The following VPS45 variants were observed in gnomAD, a reference collection of about 807,000 sequenced individuals.
The protein encoded by VPS45 is vacuolar protein sorting 45 homolog.
VPS45 carries 35 observed loss-of-function variants against 75.9 expected under a neutral mutation model. The ratio of observed to expected loss-of-function variants is 0.46; its 90% CI spans 0.35 to 0.61. VPS45 has a LOEUF of 0.61. VPS45 is among the 20% of genes least tolerant of loss of function. VPS45 has a pLI of 0.00. For synonymous variants in VPS45, 220 were observed against 238.2 expected (o/e 0.92, Z 0.70); for missense variants, 559 against 685.9 (o/e 0.81, Z 2.07).
At chr1:150,073,895 G>A (rs782092356) in intron 3 of VPS45, among the ~76,000 whole-genome samples, 62 of 151,704 alleles carry the variant, frequency 4.1e-4, no homozygotes, top group African/African-American at 6.3e-4. Flanking sequence ...TTTGTCATTC[G>A]AAGAATGTTC....
At chr1:150,123,456 T>A (rs74124304) in intron 14 of VPS45, among the ~76,000 whole-genome samples, 3,275 of 152,312 alleles carry the variant, frequency 0.022, 97 homozygotes, top group African/African-American at 0.074. Flanking sequence ...AACATTTGCT[T>A]ATTATAAAAA....
Position 150,079,873 on chromosome 1 carries a change from CTT to C in VPS45, c.688-1466_688-1465del, listed in dbSNP as rs1655600829. Among the ~76,000 whole-genome samples the C allele has an allele frequency of 2.6e-5, 4 of 152,134 alleles. No individual in the cohort carries two copies. The South Asian group carries it at 8.3e-4, about 31-fold the overall frequency. ...AAGTAATATATGTTCACCAAAGAAA[CTT>C]TTGATAATATCAAAAAGTAGAAAGA... On this transcript the variant is annotated intron_variant, in intron 7 of 14. Transcript: ENST00000644510.
At chr1:150,071,719 C>T (rs1181809877) in intron 2 of VPS45, among the ~76,000 whole-genome samples, 2 of 147,752 alleles carry the variant, frequency 1.4e-5, no homozygotes, top group African/African-American at 5.0e-5. Context: ...ACCCAGGAGA[C>T]GGAGGTTACA....
At chr1:150,109,993 T>G (rs1234164186) in intron 13 of VPS45, 1 of 152,226 alleles carries the variant, frequency 6.6e-6, no homozygotes, top group Non-Finnish European at 1.5e-5. Flanking sequence ...ATGTTTCTAG[T>G]TTCCATGTTT....
chr1:150,110,521 A>G lies in VPS45; in HGVS notation c.1519A>G (p.Ile507Val). The change falls in exon 14 of 15, where the codon ATT becomes GTT. Residue 507 changes from isoleucine (I) to valine (V), a missense_variant. Coordinates refer to ENST00000644510, the MANE Select transcript of VPS45 (RefSeq NM_007259.5). ...DRPQDIIVFV[I>V]GGATYEEALT... ...ACCTCAGGATATCATTGTGTTTGTA[A>G]TTGGAGGAGCCACCTATGAAGAGGC... 1.9e-6 allele frequency: 3 copies of G among 1,613,482 alleles called. No homozygotes were observed. Among genetic ancestry groups the G allele is most frequent in the Middle Eastern group, 1.7e-4 (1 of 6,056 alleles).
At chr1:150,067,649 G>A, upstream of VPS45, 2 of 543,474 alleles carry the variant, frequency 3.7e-6, no homozygotes, top group Non-Finnish European at 3.3e-6. Context: ...GGCCCAGGCC[G>A]TCTCAGCCGG....
chr1:150,110,970 A>G (rs1213573626), intron 14 of VPS45, among the ~76,000 whole-genome samples: 2 of 152,174 alleles, frequency 1.3e-5, no homozygotes, highest in African/African-American at 4.8e-5. Flanking sequence ...TTTTTTAAAG[A>G]GGGAGAAACC....
At chr1:150,068,223 A>C in intron 1 of VPS45, 1 of 480,286 alleles carries the variant, frequency 2.1e-6, no homozygotes, top group Non-Finnish European at 3.7e-6. Context: ...TTAATATGTC[A>C]GAGCACTTGG....
In VPS45 at chr1:150,089,352, T is replaced by A. The variant is rs180988587; in HGVS notation, c.1105-2585T>A. 7.6e-4 allele frequency among the ~76,000 whole-genome samples: 116 copies of A among 152,154 alleles called. 2 individuals are homozygous for A. The East Asian group carries it at 0.019, about 25-fold the overall frequency. Reference sequence around the variant, plus strand: ...GGGATTTCTTTTCTTTTTAAAAAAATTTTTTAAAATTTTTATTTATTTATT... The same window carrying A: ...GGGATTTCTTTTCTTTTTAAAAAAAATTTTTAAAATTTTTATTTATTTATT... On this transcript the variant is annotated intron_variant, in intron 10 of 14. Transcript: ENST00000644510.
chr1:150,113,007 C>T (rs1190733479), intron 14 of VPS45, among the ~76,000 whole-genome samples: 2 of 152,104 alleles, frequency 1.3e-5, no homozygotes, highest in Non-Finnish European at 2.9e-5. Flanking sequence ...ACAAACTCTT[C>T]GAACACTATT....
At position 150,092,911 on chromosome 1, in the gene VPS45, G is replaced by A. The variant is rs587705157; in HGVS notation, c.1371+502G>A. On this transcript the variant is annotated intron_variant, in intron 12 of 14. Coordinates refer to ENST00000644510, the MANE Select transcript of VPS45 (RefSeq NM_007259.5). Reference sequence around the variant, plus strand: ...GGCTGGAGTGCAGTGGCGTGATCTCGGCTCACTGCAAGCTCTGCCTCCCGG... The same window carrying A: ...GGCTGGAGTGCAGTGGCGTGATCTCAGCTCACTGCAAGCTCTGCCTCCCGG... 5.5e-4 allele frequency among the ~76,000 whole-genome samples: 67 copies of A among 122,918 alleles called. No homozygotes were observed. The Admixed American group carries it at 5.6e-3, about 10-fold the overall frequency. 80.6% of individuals were successfully genotyped at this position (122,918 alleles called of 152,430 possible).
intron 14 of VPS45, among the ~76,000 whole-genome samples, chr1:150,142,271 G>A (rs1659427197): frequency 6.6e-6 from 1 of 151,878 alleles, no homozygotes. Flanking sequence ...ATTCCTATAG[G>A]GCTTCCCAGC....
rs1311864993 is a variant in VPS45, at chr1:150,068,088, T to A, written c.93+138T>A. On this transcript the variant is annotated intron_variant, in intron 1 of 14. Coordinates refer to ENST00000644510, the MANE Select transcript of VPS45 (RefSeq NM_007259.5). ...GTTTGTGTGGAATTGAAAAGTTGTTTATATAAAGCTTGCCCGGTGGGTTTT... is the reference window on the plus strand; with the variant it reads ...GTTTGTGTGGAATTGAAAAGTTGTTAATATAAAGCTTGCCCGGTGGGTTTT... 1.5e-5 allele frequency: 13 copies of A among 875,714 alleles called. No individual in the cohort carries two copies. In the African/African-American group the frequency reaches 2.0e-4, roughly 14 times the overall value. The allele number at this position is 875,714 out of a possible 1,614,324, so 54.2% of individuals were successfully genotyped here.
At chr1:150,097,095 T>C (rs1656699671) in intron 13 of VPS45, among the ~76,000 whole-genome samples, 2 of 150,488 alleles carry the variant, frequency 1.3e-5, no homozygotes, top group Non-Finnish European at 1.5e-5. Context: ...TCTTTCTTTT[T>C]TTTTTTTTTT....
chr1:150,122,837 A>G (rs1463999174), intron 14 of VPS45, among the ~76,000 whole-genome samples: 4 of 151,864 alleles, frequency 2.6e-5, no homozygotes, highest in Non-Finnish European at 4.4e-5. Flanking sequence ...CATTTGTACT[A>G]CAAATACAAA....
At chr1:150,100,132 C>G (rs1465333492) in intron 13 of VPS45, among the ~76,000 whole-genome samples, 2 of 152,204 alleles carry the variant, frequency 1.3e-5, no homozygotes, top group Non-Finnish European at 2.9e-5. Context: ...ACAACTTCAG[C>G]AAAGTTGCAG....
At chr1:150,082,618 T>G in intron 9 of VPS45, 98 bp from the exon 10 acceptor site, 1 of 1,464,298 alleles carries the variant, frequency 6.8e-7, no homozygotes, top group Non-Finnish European at 9.2e-7. Context: ...TAATCTGGGC[T>G]GAAAAACAAC....
intron 13 of VPS45, among the ~76,000 whole-genome samples, chr1:150,101,504 G>A (rs1473108969): frequency 1.3e-5 from 2 of 151,992 alleles, no homozygotes; most frequent in Admixed American, 1.3e-4. Context: ...GGGAGGCCGA[G>A]GTGGGCGGAT....
chr1:150,092,478 A>C, intron 12 of VPS45, 69 bp downstream of exon 12: 2 of 1,275,558 alleles, frequency 1.6e-6, no homozygotes, highest in African/African-American at 2.9e-5. Flanking sequence ...GAGTGAATGA[A>C]TATGATCTTC....
Sources: allele counts gnomAD v4.1 joint callset (sites outside exome capture counted in the v4.1 genomes callset), GRCh38; gene constraint gnomAD v4.1.1; transcripts MANE v1.5; gene names NCBI Gene and HGNC (gene_info 2026-07-23, HGNC 2026-07-21).